The following MTUS2 variants were observed in gnomAD, a reference collection of about 807,000 sequenced individuals.
MTUS2 encodes the protein microtubule associated scaffold protein 2.
MTUS2 carries 40 observed loss-of-function variants against 114.1 expected under a neutral mutation model. The observed-to-expected ratio is 0.35, with a 90% CI of 0.27 to 0.46. The LOEUF (loss-of-function observed/expected upper bound fraction) is 0.46. Among genes scored for constraint, MTUS2 ranks in the 20% least tolerant of loss-of-function variants. The pLI, the probability that MTUS2 is intolerant of heterozygous loss-of-function variation, is 1.00. For synonymous variants in MTUS2, 688 were observed against 672.0 expected (o/e 1.02, Z -0.37); for missense variants, 1,679 against 1,705.4 (o/e 0.98, Z 0.27).
At chr13:29,367,240 T>C (rs1870796124) in intron 8 of MTUS2, among the ~76,000 whole-genome samples, 1 of 151,956 alleles carries the variant, frequency 6.6e-6, no homozygotes, top group African/African-American at 2.4e-5. Context: ...ACATAGGACC[T>C]CAGCAGGCAA....
chr13:28,829,011 C>A (rs1169468277), intron 1 of MTUS2, among the ~76,000 whole-genome samples: 1 of 152,102 alleles, frequency 6.6e-6, no homozygotes, highest in Non-Finnish European at 1.5e-5. Context: ...GGAGTAAAGA[C>A]ATTCTGAAAA....
chr13:28,999,105 A>G (rs536900726), intron 2 of MTUS2, among the ~76,000 whole-genome samples: 3 of 152,232 alleles, frequency 2.0e-5, no homozygotes, highest in Admixed American at 1.3e-4. Context: ...TTTTCCTTCT[A>G]ACAGTCAGGA....
intron 5 of MTUS2, among the ~76,000 whole-genome samples, chr13:29,260,255 T>C (rs1396303392): frequency 6.6e-6 from 1 of 152,246 alleles, no homozygotes; most frequent in Non-Finnish European, 1.5e-5. Flanking sequence ...CAGTTGCTAT[T>C]TATGTTTTCA....
At chr13:29,325,510 AAGG>A (rs1164932814) in intron 7 of MTUS2, among the ~76,000 whole-genome samples, 23 of 119,204 alleles carry the variant, frequency 1.9e-4, no homozygotes, top group African/African-American at 7.4e-4. Context: ...GGAGGAGGAG[AAGG>A]AGGAGGAGGA....
chr13:29,313,877 A>G (rs1385667170), intron 6 of MTUS2, among the ~76,000 whole-genome samples: 3 of 152,188 alleles, frequency 2.0e-5, no homozygotes, highest in African/African-American at 7.2e-5. Flanking sequence ...TATCAGTAGC[A>G]ACCCTGGAAG....
At chr13:28,887,085 C>T (rs1331013144) in intron 2 of MTUS2, among the ~76,000 whole-genome samples, 3 of 152,174 alleles carry the variant, frequency 2.0e-5, no homozygotes, top group Non-Finnish European at 4.4e-5. Context: ...GTTGGAAGTA[C>T]ATCCTGCTTG....
At chr13:29,253,528 C>T (rs1330619089) in intron 5 of MTUS2, among the ~76,000 whole-genome samples, 1 of 152,142 alleles carries the variant, frequency 6.6e-6, no homozygotes, top group Non-Finnish European at 1.5e-5. Context: ...CCACCTCCAG[C>T]CCAGCGTCTG....
chr13:28,847,261 T>A (rs918443574), intron 2 of MTUS2, among the ~76,000 whole-genome samples: 1 of 152,086 alleles, frequency 6.6e-6, no homozygotes, highest in Non-Finnish European at 1.5e-5. Context: ...CACTTGAGGT[T>A]TTTTTTTGGT....
Position 29,279,120 on chromosome 13 carries a change from T to C in MTUS2, c.2645-2584T>C, listed in dbSNP as rs112709254. 1.9e-3 allele frequency among the ~76,000 whole-genome samples: 292 copies of C among 152,364 alleles called. 2 individuals are homozygous for C. The highest frequency in any genetic ancestry group is 6.6e-3 in the African/African-American group (275 of 41,590). On this transcript the variant is annotated intron_variant, in intron 5 of 15. Coordinates refer to ENST00000612955, the MANE Select transcript of MTUS2 (RefSeq NM_001033602.4). ...TAAAAAATTTCCTGGCTTTAGCTCCTTTAATTCTCACAACAGCTCTGTGAG... is the reference window on the plus strand; with the variant it reads ...TAAAAAATTTCCTGGCTTTAGCTCCCTTAATTCTCACAACAGCTCTGTGAG...
At chr13:29,209,056 T>C (rs1449736424) in intron 5 of MTUS2, among the ~76,000 whole-genome samples, 1 of 152,166 alleles carries the variant, frequency 6.6e-6, no homozygotes, top group African/African-American at 2.4e-5. Context: ...TGTTGCTGTC[T>C]GTCTCTTTTT....
At chr13:29,474,768 GTTGTCCTTGACTCAGATTT>G (rs1398798041) in intron 9 of MTUS2, among the ~76,000 whole-genome samples, 1 of 152,090 alleles carries the variant, frequency 6.6e-6, no homozygotes, top group African/African-American at 2.4e-5. Context: ...TGCTATAGTG[GTTGTCCTTGACTCAGATTT>G]TTGTGCACTT....
At chr13:29,160,834 G>T (rs1220278150) in intron 5 of MTUS2, among the ~76,000 whole-genome samples, 4 of 151,868 alleles carry the variant, frequency 2.6e-5, no homozygotes, top group Non-Finnish European at 5.9e-5. Flanking sequence ...CCCCGCCCCT[G>T]CATAGTTCAA....
intron 4 of MTUS2, among the ~76,000 whole-genome samples, chr13:29,041,856 A>C (rs1447846097): frequency 6.6e-6 from 1 of 152,112 alleles, no homozygotes; most frequent in Non-Finnish European, 1.5e-5. Flanking sequence ...CAGTTCTAAG[A>C]GCTTTTAGGA....
chr13:29,355,833 T>C (rs1232141218), intron 7 of MTUS2, among the ~76,000 whole-genome samples: 1 of 152,214 alleles, frequency 6.6e-6, no homozygotes, highest in African/African-American at 2.4e-5. Context: ...GGTAGTGTAC[T>C]AGGGCCAGTC....
chr13:28,885,729 G>A (rs1243158225), intron 2 of MTUS2, among the ~76,000 whole-genome samples: 1 of 152,182 alleles, frequency 6.6e-6, no homozygotes, highest in Non-Finnish European at 1.5e-5. Context: ...GTGAATAGCT[G>A]TTGATTTGAT....
At chr13:28,909,541 G>C (rs1880269973) in intron 2 of MTUS2, among the ~76,000 whole-genome samples, 1 of 152,058 alleles carries the variant, frequency 6.6e-6, no homozygotes, top group South Asian at 2.1e-4. Context: ...AAAATAATAA[G>C]AGTCATCTGT....
At chr13:29,358,476 C>T (rs1013510001) in intron 7 of MTUS2, among the ~76,000 whole-genome samples, 3 of 152,216 alleles carry the variant, frequency 2.0e-5, no homozygotes, top group Non-Finnish European at 4.4e-5. Flanking sequence ...CTTTGCCGGC[C>T]ATGGTAAGGT....
At chr13:29,336,549 T>C (rs2138088465) in intron 7 of MTUS2, among the ~76,000 whole-genome samples, 1 of 152,316 alleles carries the variant, frequency 6.6e-6, no homozygotes, top group South Asian at 2.1e-4. Flanking sequence ...GGACGCCAGC[T>C]GGAGCTTTCC....
chr13:28,856,596 A>T (rs1168030836), intron 2 of MTUS2, among the ~76,000 whole-genome samples: 1 of 152,178 alleles, frequency 6.6e-6, no homozygotes, highest in Non-Finnish European at 1.5e-5. Context: ...AGTGGTGCTG[A>T]TGTTTGCAGT....
Sources: gnomAD v4.1 joint callset for allele counts (sites outside exome capture counted in the v4.1 genomes callset) on GRCh38, gnomAD v4.1.1 for gene constraint, MANE v1.5 for transcripts, NCBI Gene and HGNC (gene_info 2026-07-23, HGNC 2026-07-21) for gene names.